The following ANKRD13B variants were observed in gnomAD, a reference collection of about 807,000 sequenced individuals.
ANKRD13B encodes the protein ankyrin repeat domain-containing protein 13B.
In ANKRD13B, 33 loss-of-function variants were observed where a neutral mutation model predicts 74.4. The observed-to-expected ratio is 0.44, with a 90% CI of 0.34 to 0.59. The LOEUF is 0.59. Ranked by LOEUF, ANKRD13B falls within the 20% of genes least tolerant of loss-of-function variation. The pLI, the probability that ANKRD13B is intolerant of heterozygous loss-of-function variation, is 0.02. For synonymous variants in ANKRD13B, 341 were observed against 362.9 expected, an observed-to-expected ratio of 0.94 and a Z score of 0.68; for missense variants, 676 against 877.9, an observed-to-expected ratio of 0.77 and a Z score of 2.91.
At position 29,593,254 on chromosome 17, in the gene ANKRD13B, G is replaced by C. The variant is rs1271507631; in HGVS notation, c.-368G>C. On this transcript the variant is annotated 5_prime_UTR_variant, in exon 1 of 15. Coordinates refer to ENST00000394859, the MANE Select transcript of ANKRD13B (RefSeq NM_152345.5). ...GCGTCCCTGCGGCGGCGTCCCCGGG[G>C]CCCGCGTCCCGTGCGCCCCCGCGCC... Among the ~76,000 whole-genome samples the C allele has an allele frequency of 1.3e-5, 2 of 148,820 alleles. No homozygotes were observed. The highest frequency in any genetic ancestry group is 2.1e-4 in the South Asian group (1 of 4,780).
intron 14 of ANKRD13B, 156 bp downstream of exon 14, chr17:29,613,119 G>A (rs2034662691): frequency 6.7e-6 from 8 of 1,196,082 alleles, no homozygotes. Context: ...GGCAGGCAGG[G>A]GTCAGGGATC....
rs907476120 is a variant in ANKRD13B at position 29,612,490 on chromosome 17, C to T, written c.1347C>T (p.Ser449=). Residue 449 remains serine, a synonymous_variant, in exon 12 of 15, where the codon AGC becomes AGT. Transcript: ENST00000394859. The surrounding 1 kb of genome is among the most constrained non-coding windows in gnomAD (Gnocchi z 6.1). The part of the protein sequence containing the change: ...CDEPVPSVRG[S]PSSETPSPGS... ...AACCGGTGCCATCGGTGCGAGGCAG[C>T]CCCAGCAGCGAGACGCCTTCCCCAG... is the stretch of plus-strand genomic sequence containing the variant. 7 of 1,590,020 alleles carry T rather than the reference C, an allele frequency of 4.4e-6. No individual in the cohort carries two copies. In the Admixed American group the frequency reaches 5.3e-5, roughly 12 times the overall value.
rs1291597554 is a variant in ANKRD13B, at chr17:29,613,669, G to A, written c.*87G>A. The A allele has an allele frequency of 4.4e-6, 6 of 1,371,936 alleles. No homozygotes were observed. The highest frequency in any genetic ancestry group is 5.6e-6 in the Non-Finnish European group (6 of 1,067,400). 85.0% of individuals were successfully genotyped at this position (1,371,936 alleles called of 1,614,324 possible). A position where few individuals can be genotyped will look rare whatever the true frequency, so the allele number is the denominator to read the frequency against. ...AAACCCCGGCCTGCGCGCCTGCAGA[G>A]CGGCGGCTGGAGACTGGAGCCACCG... On this transcript the variant is annotated 3_prime_UTR_variant, in exon 15 of 15. Coordinates refer to ENST00000394859, the MANE Select transcript of ANKRD13B (RefSeq NM_152345.5).
Position 29,612,508 on chromosome 17 carries a change from T to C in ANKRD13B, c.1365T>C (p.Pro455=), listed in dbSNP as rs1212820400. The C allele has an allele frequency of 1.3e-6, 2 of 1,576,808 alleles. No individual in the cohort carries two copies. The highest frequency in any genetic ancestry group is 1.7e-6 in the Non-Finnish European group (2 of 1,161,270). Residue 455 remains proline, a synonymous_variant, in exon 12 of 15, where the codon CCT becomes CCC. Coordinates refer to ENST00000394859, the MANE Select transcript of ANKRD13B (RefSeq NM_152345.5). This position sits in a 1 kb window ranked among gnomAD's most constrained non-coding sequence, Gnocchi z 6.1. ...GAGGCAGCCCCAGCAGCGAGACGCC[T>C]TCCCCAGGCAGCGACTCCTCCAGCG... is the stretch of plus-strand genomic sequence containing the variant. ...SVRGSPSSET[P]SPGSDSSSVS...
At position 29,608,713 on chromosome 17, in the gene ANKRD13B, T is replaced by G. The variant is rs951198004; in HGVS notation, c.422-138T>G. ...TGGTCTACACTGGCCAGGGAGGGGGTTTTGGAGGAGAGGCTGCTCTCTCTT... is the reference window on the plus strand; with the variant it reads ...TGGTCTACACTGGCCAGGGAGGGGGGTTTGGAGGAGAGGCTGCTCTCTCTT... On this transcript the variant is annotated intron_variant, in intron 4 of 14. Transcript: ENST00000394859. The surrounding 1 kb of genome is among the most constrained non-coding windows in gnomAD (Gnocchi z 6.4). 143 of 1,233,756 alleles carry G rather than the reference T, an allele frequency of 1.2e-4. No individual in the cohort carries two copies. The highest frequency in any genetic ancestry group is 1.5e-4 in the Non-Finnish European group (137 of 899,056). The allele number at this position is 1,233,756 out of a possible 1,614,324, so 76.4% of individuals were successfully genotyped here. A position where few individuals can be genotyped will look rare whatever the true frequency, so the allele number is the denominator to read the frequency against.
chr17:29,610,599 T>C (rs2034547743), intron 7 of ANKRD13B, 86 bp from the exon 8 acceptor site: 2 of 1,237,088 alleles, frequency 1.6e-6, no homozygotes, highest in Non-Finnish European at 2.3e-6. Flanking sequence ...GACCCTTTGC[T>C]ACAGGGAGTG....
Position 29,593,602 on chromosome 17 carries a change from C to T in ANKRD13B, c.-20C>T, listed in dbSNP as rs1235960040. 7 of 1,261,704 alleles carry T rather than the reference C, an allele frequency of 5.5e-6. No individual in the cohort carries two copies. In the African/African-American group the frequency reaches 1.1e-4, roughly 20 times the overall value. 78.2% of individuals were successfully genotyped at this position (1,261,704 alleles called of 1,614,324 possible). A position where few individuals can be genotyped will look rare whatever the true frequency, so the allele number is the denominator to read the frequency against. Reference sequence around the variant, plus strand: ...CTCCTCCCCGGCCGGGCGCCGCGGCCCCGGCATGAGGAGCGGGCGATGATC... The same window carrying T: ...CTCCTCCCCGGCCGGGCGCCGCGGCTCCGGCATGAGGAGCGGGCGATGATC... On this transcript the variant is annotated 5_prime_UTR_variant, in exon 1 of 15. Transcript: ENST00000394859.
rs765690807 is a variant in ANKRD13B at position 29,607,750 on chromosome 17, C to A, written c.123C>A (p.Ile41=). 3 of 1,598,406 alleles carry A rather than the reference C, an allele frequency of 1.9e-6. No individual in the cohort carries two copies. Among genetic ancestry groups the A allele is most frequent in the South Asian group, 1.1e-5 (1 of 90,824 alleles). The part of the protein sequence containing the change: ...EKEVRAGQVD[I]EQLDPRGRTP... ...TCCTCCTCCTCCTCCAGGTGGACAT[C>A]GAGCAGCTGGATCCCCGCGGCCGGA... Residue 41 remains isoleucine, a synonymous_variant, in exon 2 of 15, where the codon ATC becomes ATA. Coordinates refer to ENST00000394859, the MANE Select transcript of ANKRD13B (RefSeq NM_152345.5).
At chr17:29,594,885 G>A (rs547097879) in intron 1 of ANKRD13B, among the ~76,000 whole-genome samples, 3 of 152,322 alleles carry the variant, frequency 2.0e-5, no homozygotes, top group East Asian at 3.9e-4. Context: ...GCAGGCCATC[G>A]GACTGAGCAG....
rs1009246678 is a variant in ANKRD13B at position 29,613,357 on chromosome 17, C to T, written c.1656C>T (p.Ser552=). 41 of 1,455,106 alleles carry T rather than the reference C, an allele frequency of 2.8e-5. No homozygotes were observed. The Admixed American group carries it at 4.3e-4, about 15-fold the overall frequency. The allele number at this position is 1,455,106 out of a possible 1,614,324, so 90.1% of individuals were successfully genotyped here. Residue 552 remains serine (S), a synonymous_variant, in exon 15 of 15, where the codon AGC becomes AGT. Transcript: ENST00000394859. Reference sequence around the variant, plus strand: ...GACATTCCTTCCCCACCCCCAGGAGCGCCCCGCCCACGCCGCAGCGCCAGC... The same window carrying T: ...GACATTCCTTCCCCACCCCCAGGAGTGCCCCGCCCACGCCGCAGCGCCAGC... The part of the protein sequence containing the change: ...MSYEGRRQDR[S]APPTPQRQPA...
chr17:29,602,890 C>T (rs996109898), intron 1 of ANKRD13B, among the ~76,000 whole-genome samples: 14 of 152,190 alleles, frequency 9.2e-5, no homozygotes, highest in Non-Finnish European at 1.8e-4. Flanking sequence ...CTCCCTCTGT[C>T]GCCCAAGCTG....
In ANKRD13B at chr17:29,608,989, G is replaced by T. The variant is rs1352724213; in HGVS notation, c.560G>T (p.Gly187Val). 2 of 1,614,122 alleles carry T rather than the reference G, an allele frequency of 1.2e-6. No homozygotes were observed. The highest frequency in any genetic ancestry group is 2.2e-5 in the South Asian group (2 of 91,090). Residue 187 changes from glycine (G) to valine (V), a missense_variant, in exon 5 of 15, where the codon GGC (glycine) becomes GTC (valine). Coordinates refer to ENST00000394859, the MANE Select transcript of ANKRD13B (RefSeq NM_152345.5). The surrounding 1 kb of genome is among the most constrained non-coding windows in gnomAD (Gnocchi z 6.4). ...QRGNRSFVFR[G>V]QDTSAVVMEI... ...GGGAACCGCAGCTTTGTCTTCAGGG[G>T]CCAAGGTCAGGCAGGCAGGAAGTGG...
chr17:29,593,260 G>A lies in ANKRD13B; in HGVS notation c.-362G>A, dbSNP rs915534542. On this transcript the variant is annotated 5_prime_UTR_variant, in exon 1 of 15. Transcript: ENST00000394859. ...CTGCGGCGGCGTCCCCGGGGCCCGC[G>A]TCCCGTGCGCCCCCGCGCCCGCTGC... Among the ~76,000 whole-genome samples, 9 of 149,064 alleles carry A rather than the reference G, an allele frequency of 6.0e-5. No homozygotes were observed. Among genetic ancestry groups the A allele is most frequent in the Admixed American group, 6.0e-4 (9 of 15,032 alleles).
Position 29,607,784 on chromosome 17 carries a change from C to T in ANKRD13B, c.157C>T (p.His53Tyr). The change falls in exon 2 of 15, where the codon CAC becomes TAC. Residue 53 changes from histidine (H) to tyrosine (Y), a missense_variant. Coordinates refer to ENST00000394859, the MANE Select transcript of ANKRD13B (RefSeq NM_152345.5). ...QLDPRGRTPL[H>Y]LATTLGHLEC... Reference sequence around the variant, plus strand: ...GGATCCCCGCGGCCGGACTCCCCTGCACCTGGCCACCACGCTGGGGCACCT... The same window carrying T: ...GGATCCCCGCGGCCGGACTCCCCTGTACCTGGCCACCACGCTGGGGCACCT... The T allele has an allele frequency of 1.2e-6, 2 of 1,602,818 alleles. No homozygotes were observed. Among genetic ancestry groups the T allele is most frequent in the Non-Finnish European group, 1.7e-6 (2 of 1,179,832 alleles).
At chr17:29,613,034 G>C (rs1413014732) in intron 14 of ANKRD13B, 71 bp downstream of exon 14, 7 of 1,539,078 alleles carry the variant, frequency 4.5e-6, no homozygotes, top group Non-Finnish European at 6.1e-6. Flanking sequence ...GACACAGCCG[G>C]AGAACCCGCG....
intron 2 of ANKRD13B, 51 bp from the exon 3 acceptor site, chr17:29,607,935 T>C: frequency 6.3e-7 from 1 of 1,578,872 alleles, no homozygotes; most frequent in Non-Finnish European, 8.6e-7. Context: ...ATCATAGACC[T>C]ATGGTTGGCT....
chr17:29,605,712 G>T (rs371201901), intron 1 of ANKRD13B, among the ~76,000 whole-genome samples: 1 of 152,150 alleles, frequency 6.6e-6, no homozygotes, highest in Non-Finnish European at 1.5e-5. Context: ...CAAGCAATCC[G>T]CCAACCTTTG....
At chr17:29,599,130 T>C (rs558361576) in intron 1 of ANKRD13B, among the ~76,000 whole-genome samples, 153 of 152,204 alleles carry the variant, frequency 1.0e-3, no homozygotes, top group African/African-American at 3.3e-3. Flanking sequence ...GAGGTGACAT[T>C]TGAGCAGCAG....
chr17:29,608,642 C>G lies in ANKRD13B; in HGVS notation c.422-209C>G. The G allele has an allele frequency of 1.6e-6, 1 of 642,848 alleles. No individual in the cohort carries two copies. Among genetic ancestry groups the G allele is most frequent in the Non-Finnish European group, 2.6e-6 (1 of 380,358 alleles). The allele number at this position is 642,848 out of a possible 1,614,324, so 39.8% of individuals were successfully genotyped here. A position where few individuals can be genotyped will look rare whatever the true frequency, so the allele number is the denominator to read the frequency against. On this transcript the variant is annotated intron_variant, in intron 4 of 14. Transcript: ENST00000394859. This position sits in a 1 kb window ranked among gnomAD's most constrained non-coding sequence, Gnocchi z 6.4. ...ATGGACACTAGGGACTTAGTGGTGACAGAAACATGCCCGTCCCGACCTCAG... is the reference window on the plus strand; with the variant it reads ...ATGGACACTAGGGACTTAGTGGTGAGAGAAACATGCCCGTCCCGACCTCAG...
Sources: gnomAD v4.1 joint callset for allele counts (sites outside exome capture counted in the v4.1 genomes callset) on GRCh38, gnomAD v4.1.1 for gene constraint, Gnocchi (gnomAD v3.1) non-coding constraint, MANE v1.5 for transcripts, NCBI Gene and HGNC (gene_info 2026-07-23, HGNC 2026-07-21) for gene names.